Variants in ROBO1 observed in about 807,000 individuals in gnomAD.
The protein encoded by ROBO1 is roundabout homolog 1.
In ROBO1, 149 loss-of-function variants were observed where a neutral mutation model predicts 195.9. That is an observed-to-expected ratio of 0.76 (90% CI 0.67 to 0.87). The LOEUF (loss-of-function observed/expected upper bound fraction) is 0.87, where lower values mean the gene tolerates loss of function less well. Ranked by LOEUF, ROBO1 falls within the 40% of genes least tolerant of loss-of-function variation. The probability of loss-of-function intolerance (pLI) is 0.00; values close to 1 mark genes in which losing one functional copy is unlikely to be tolerated. For synonymous variants in ROBO1, 816 were observed against 733.2 expected (o/e 1.11, Z -1.82); for missense variants, 1,933 against 2,068.3 (o/e 0.93, Z 1.27).
intron 4 of ROBO1, among the ~76,000 whole-genome samples, chr3:78,913,417 A>T (rs1020595986): frequency 6.6e-6 from 1 of 152,096 alleles, no homozygotes; most frequent in African/African-American, 2.4e-5. Flanking sequence ...TTCAATTTTT[A>T]AAATGTCAAG....
rs1019334649 is a variant in ROBO1 at position 79,406,838 on chromosome 3, C to T, written c.88+182986G>A. ...ATAATTCTTTGTTTTTTTTCCTTTC[C>T]ACATAGTTTTAAAGAATTTAGTCTT... On this transcript the variant is annotated intron_variant, in intron 2 of 30. Transcript: ENST00000464233. 2.6e-5 allele frequency among the ~76,000 whole-genome samples: 4 copies of T among 151,684 alleles called. No individual in the cohort carries two copies. In the South Asian group the frequency reaches 8.3e-4, roughly 32 times the overall value.
At chr3:79,281,016 A>T (rs889675785) in intron 2 of ROBO1, among the ~76,000 whole-genome samples, 2 of 152,176 alleles carry the variant, frequency 1.3e-5, no homozygotes, top group African/African-American at 4.8e-5. Context: ...AAGTAATAAA[A>T]ATAATAAATA....
At chr3:79,238,770 T>G (rs1334527719) in intron 2 of ROBO1, among the ~76,000 whole-genome samples, 1 of 152,156 alleles carries the variant, frequency 6.6e-6, no homozygotes, top group Non-Finnish European at 1.5e-5. Flanking sequence ...GACTTCCAAG[T>G]CTCATTAATT....
At chr3:79,053,076 G>A (rs1460772888) in intron 3 of ROBO1, among the ~76,000 whole-genome samples, 1 of 152,030 alleles carries the variant, frequency 6.6e-6, no homozygotes, top group Non-Finnish European at 1.5e-5. Context: ...GGATTGTGTT[G>A]GTGCAACATT....
intron 1 of ROBO1, among the ~76,000 whole-genome samples, chr3:79,759,742 G>A (rs542140282): frequency 7.9e-5 from 12 of 152,274 alleles, no homozygotes; most frequent in Admixed American, 7.2e-4. Context: ...TGATGATTCA[G>A]TGAGATGACC....
chr3:78,728,658 G>C (rs917288354), intron 5 of ROBO1, among the ~76,000 whole-genome samples: 4 of 152,210 alleles, frequency 2.6e-5, no homozygotes, highest in African/African-American at 9.6e-5. Flanking sequence ...CACACACATT[G>C]TAAAGAAAAT....
chr3:79,486,003 A>T (rs1336127811), intron 2 of ROBO1, among the ~76,000 whole-genome samples: 1 of 152,162 alleles, frequency 6.6e-6, no homozygotes, highest in Non-Finnish European at 1.5e-5. Flanking sequence ...AGACTTTGGA[A>T]CCACTTAACC....
At chr3:79,610,123 T>C (rs1223255101) in intron 1 of ROBO1, among the ~76,000 whole-genome samples, 1 of 151,946 alleles carries the variant, frequency 6.6e-6, no homozygotes, top group Non-Finnish European at 1.5e-5. Flanking sequence ...TTTAGGTCAT[T>C]AGAAAACTTC....
intron 2 of ROBO1, among the ~76,000 whole-genome samples, chr3:79,584,450 C>T (rs1417414690): frequency 2.0e-5 from 3 of 151,170 alleles, no homozygotes; most frequent in African/African-American, 7.3e-5. Flanking sequence ...GAAGAAAGTG[C>T]TTGCTCAGGT....
intron 4 of ROBO1, among the ~76,000 whole-genome samples, chr3:78,906,555 C>T (rs1179535050): frequency 6.6e-6 from 1 of 152,060 alleles, no homozygotes; most frequent in African/African-American, 2.4e-5. Flanking sequence ...ATAAGCAACT[C>T]TCCTGGACCA....
chr3:79,389,151 T>C (rs943165735), intron 2 of ROBO1, among the ~76,000 whole-genome samples: 5 of 152,012 alleles, frequency 3.3e-5, no homozygotes, highest in Non-Finnish European at 4.4e-5. Flanking sequence ...TTTTCCATAT[T>C]AAAAATAATG....
At chr3:78,895,236 C>T (rs751068631) in intron 4 of ROBO1, among the ~76,000 whole-genome samples, 2 of 151,978 alleles carry the variant, frequency 1.3e-5, no homozygotes, top group South Asian at 2.1e-4. Context: ...TCCAGGCTTT[C>T]GTTGAAGACC....
At chr3:79,445,922 G>C (rs1364832301) in intron 2 of ROBO1, among the ~76,000 whole-genome samples, 1 of 151,996 alleles carries the variant, frequency 6.6e-6, no homozygotes, top group African/African-American at 2.4e-5. Flanking sequence ...AAAGTGCTGG[G>C]ATTACAGGCG....
At chr3:78,962,359 T>A (rs949521500) in intron 3 of ROBO1, among the ~76,000 whole-genome samples, 1 of 152,170 alleles carries the variant, frequency 6.6e-6, no homozygotes, top group Non-Finnish European at 1.5e-5. Context: ...ATAAGTATAA[T>A]TTTCTTTACT....
chr3:79,502,296 T>G (rs966353826), intron 2 of ROBO1, among the ~76,000 whole-genome samples: 1 of 152,154 alleles, frequency 6.6e-6, no homozygotes, highest in East Asian at 1.9e-4. Context: ...GCGCGGCGCT[T>G]GCGGGCCAGC....
intron 10 of ROBO1, among the ~76,000 whole-genome samples, chr3:78,674,826 T>G (rs114203258): frequency 0.014 from 2,080 of 152,246 alleles, 20 homozygotes; most frequent in Non-Finnish European, 0.017. Context: ...TTCTAAAATC[T>G]TTTTTTATGT....
chr3:79,741,360 T>C (rs1469581707), intron 1 of ROBO1, among the ~76,000 whole-genome samples: 3 of 152,210 alleles, frequency 2.0e-5, no homozygotes, highest in Non-Finnish European at 4.4e-5. Context: ...ATCTTCTATT[T>C]CAGTCTATAT....
At chr3:79,345,914 G>A (rs1024098889) in intron 2 of ROBO1, among the ~76,000 whole-genome samples, 8 of 151,940 alleles carry the variant, frequency 5.3e-5, no homozygotes, top group African/African-American at 1.9e-4. Flanking sequence ...TGCATTCTGG[G>A]GTGCTCTGTA....
chr3:79,387,850 T>C (rs1053564883), intron 2 of ROBO1, among the ~76,000 whole-genome samples: 1 of 152,104 alleles, frequency 6.6e-6, no homozygotes, highest in Non-Finnish European at 1.5e-5. Context: ...AGTAGGATAA[T>C]GGCTTTGAGA....
Sources: gnomAD v4.1 joint callset for allele counts (sites outside exome capture counted in the v4.1 genomes callset) on GRCh38, gnomAD v4.1.1 for gene constraint, MANE v1.5 for transcripts, NCBI Gene and HGNC (gene_info 2026-07-23, HGNC 2026-07-21) for gene names.